The following PAG1 variants were observed in gnomAD, a reference collection of about 807,000 sequenced individuals.
The protein encoded by PAG1 is phosphoprotein associated with glycosphingolipid-enriched microdomains 1.
Under a neutral mutation model 31.7 loss-of-function variants are expected in PAG1, and 23 were observed. That is an observed-to-expected ratio of 0.73 (90% CI 0.52 to 1.03). The LOEUF (loss-of-function observed/expected upper bound fraction) is 1.03. Ranked by LOEUF, PAG1 falls within the 50% of genes least tolerant of loss-of-function variation. The pLI is 0.00. For missense variants in PAG1, 473 were observed against 540.7 expected, an observed-to-expected ratio of 0.87 and a Z score of 1.24; for synonymous variants, 214 against 210.3, an observed-to-expected ratio of 1.02 and a Z score of -0.15.
chr8:81,072,974 G>A (rs1194393815), intron 1 of PAG1, among the ~76,000 whole-genome samples: 1 of 152,164 alleles, frequency 6.6e-6, no homozygotes, highest in Non-Finnish European at 1.5e-5. Context: ...ATTAAAAGCA[G>A]AACTCCTCAA....
intron 2 of PAG1, among the ~76,000 whole-genome samples, chr8:81,046,460 T>TATA (rs1472112832): frequency 6.6e-6 from 1 of 152,186 alleles, no homozygotes; most frequent in African/African-American, 2.4e-5. Context: ...CCCCTTCTCT[T>TATA]ATCACCATTT....
rs1807009610 is a variant in PAG1 at position 80,968,477 on chromosome 8, T to G, written c.*8067A>C. 1 of 152,236 alleles carries G rather than the reference T, an allele frequency of 6.6e-6. No homozygotes were observed. Among genetic ancestry groups the G allele is most frequent in the Non-Finnish European group, 1.5e-5 (1 of 68,038 alleles). 9.4% of individuals were successfully genotyped at this position (152,236 alleles called of 1,614,324 possible). On this transcript the variant is annotated 3_prime_UTR_variant, in exon 9 of 9. Coordinates refer to ENST00000220597, the MANE Select transcript of PAG1 (RefSeq NM_018440.4). Reference sequence around the variant, plus strand: ...CCACTTGAGAATTTAATTCAATAACTCTACACTTTTCCAATAAATAAAAAA... The same window carrying G: ...CCACTTGAGAATTTAATTCAATAACGCTACACTTTTCCAATAAATAAAAAA...
chr8:81,057,605 T>C (rs1004829024), intron 2 of PAG1, among the ~76,000 whole-genome samples: 2 of 149,712 alleles, frequency 1.3e-5, no homozygotes, highest in South Asian at 2.2e-4. Context: ...TTAGGAGATA[T>C]ACCTAATGCA....
chr8:81,108,087 T>C (rs73282055), intron 1 of PAG1, among the ~76,000 whole-genome samples: 222 of 152,326 alleles, frequency 1.5e-3, no homozygotes, highest in African/African-American at 5.2e-3. Flanking sequence ...ACTAAATAGA[T>C]AACAGATAAC....
At chr8:81,103,458 TCA>T (rs1400087374) in intron 1 of PAG1, among the ~76,000 whole-genome samples, 3 of 152,198 alleles carry the variant, frequency 2.0e-5, no homozygotes, top group African/African-American at 7.2e-5. Flanking sequence ...ACCCTGTATC[TCA>T]GTTTCCTCAT....
intron 2 of PAG1, among the ~76,000 whole-genome samples, chr8:81,033,123 T>C (rs997426338): frequency 6.6e-6 from 1 of 152,214 alleles, no homozygotes; most frequent in African/African-American, 2.4e-5. Context: ...TTGTATGGTA[T>C]GTGAATTGCA....
chr8:81,062,655 A>G (rs1218064131), intron 2 of PAG1, among the ~76,000 whole-genome samples: 1 of 152,088 alleles, frequency 6.6e-6, no homozygotes, highest in African/African-American at 2.4e-5. Flanking sequence ...AAGCCACCAT[A>G]GACAGGGTTA....
intron 2 of PAG1, among the ~76,000 whole-genome samples, chr8:81,041,905 G>C (rs1300409283): frequency 6.6e-6 from 1 of 152,172 alleles, no homozygotes; most frequent in African/African-American, 2.4e-5. Context: ...GAATGAGGAA[G>C]TAACACTATC....
At chr8:80,987,627 T>C (rs1049474257) in intron 5 of PAG1, 161 bp from the exon 6 acceptor site, 2 of 574,726 alleles carry the variant, frequency 3.5e-6, no homozygotes, top group Admixed American at 2.8e-5. Flanking sequence ...GAGGGTACAT[T>C]TCAAGACCCC....
At chr8:81,058,337 C>G (rs1002383225) in intron 2 of PAG1, among the ~76,000 whole-genome samples, 5 of 152,120 alleles carry the variant, frequency 3.3e-5, no homozygotes, top group African/African-American at 9.7e-5. Flanking sequence ...ACTAGGAATA[C>G]TTGGGAAAAA....
At chr8:80,983,575 A>C (rs1262308022) in intron 7 of PAG1, among the ~76,000 whole-genome samples, 2 of 152,222 alleles carry the variant, frequency 1.3e-5, no homozygotes, top group Admixed American at 1.3e-4. Context: ...GTTTATATAA[A>C]GATGATGGAT....
rs773665442 is a variant in PAG1, at chr8:80,985,179, C to T, written c.473G>A (p.Gly158Glu). ...ARSVDGDQGL[G>E]MEGPYEVLKD... The stretch of plus-strand genomic sequence containing the variant: ...GAGCACTTCATAGGGCCCTTCCATC[C>T]CCAGCCCCTGGTCCCCGTCCACACT... The change falls in exon 7 of 9, where the codon GGG becomes GAG. Residue 158 changes from glycine to glutamate, a missense_variant. Physicochemically the swap from Gly to Glu is moderately conservative, Grantham distance 98. Transcript: ENST00000220597. The T allele has an allele frequency of 6.2e-7, 1 of 1,613,976 alleles. No homozygotes were observed. Among genetic ancestry groups the T allele is most frequent in the Non-Finnish European group, 8.5e-7 (1 of 1,180,022 alleles).
In PAG1 at chr8:80,991,468, C is replaced by T. The variant is rs773485400; in HGVS notation, c.177+11G>A. On this transcript the variant is annotated intron_variant, in intron 5 of 8. Coordinates refer to ENST00000220597, the MANE Select transcript of PAG1 (RefSeq NM_018440.4). ...CACGGACAGACAGGCAGACGACACGCGCAGGCTCACCACGTTCATCAGGTT... is the reference window on the plus strand; with the variant it reads ...CACGGACAGACAGGCAGACGACACGTGCAGGCTCACCACGTTCATCAGGTT... The T allele has an allele frequency of 1.3e-5, 21 of 1,608,764 alleles. No homozygotes were observed. The highest frequency in any genetic ancestry group is 6.7e-5 in the East Asian group (3 of 44,866).
chr8:81,046,997 A>G (rs1808652670), intron 2 of PAG1, among the ~76,000 whole-genome samples: 1 of 152,064 alleles, frequency 6.6e-6, no homozygotes, highest in African/African-American at 2.4e-5. Context: ...TTCCTGCTCC[A>G]TCCCTGTCCC....
At chr8:81,028,301 C>T (rs12676654) in intron 3 of PAG1, among the ~76,000 whole-genome samples, 71,893 of 152,130 alleles carry the variant, frequency 0.47, 20,673 homozygotes, top group Non-Finnish European at 0.63. Context: ...AGCATGGCTC[C>T]CTCTCACTAG....
chr8:81,043,672 T>C (rs1808592545), intron 2 of PAG1, among the ~76,000 whole-genome samples: 2 of 152,232 alleles, frequency 1.3e-5, no homozygotes, highest in South Asian at 4.1e-4. Context: ...GTCCTGCATA[T>C]ATATCTCAGC....
intron 3 of PAG1, among the ~76,000 whole-genome samples, chr8:81,025,963 C>T (rs1808270497): frequency 6.6e-6 from 1 of 152,062 alleles, no homozygotes; most frequent in African/African-American, 2.4e-5. Flanking sequence ...CTGCTATGGT[C>T]CAGGAGACAC....
intron 3 of PAG1, among the ~76,000 whole-genome samples, chr8:81,028,824 A>T (rs1189929029): frequency 6.6e-6 from 1 of 152,192 alleles, no homozygotes; most frequent in Non-Finnish European, 1.5e-5. Context: ...ACAGAGAATG[A>T]ATAGTATCAC....
intron 1 of PAG1, among the ~76,000 whole-genome samples, chr8:81,075,617 T>G (rs1809164200): frequency 2.6e-5 from 4 of 152,208 alleles, no homozygotes. Flanking sequence ...GGATTCATAC[T>G]ATTGTTACAC....
Sources: gnomAD v4.1 joint callset for allele counts (sites outside exome capture counted in the v4.1 genomes callset) on GRCh38, gnomAD v4.1.1 for gene constraint, MANE v1.5 for transcripts, NCBI Gene and HGNC (gene_info 2026-07-23, HGNC 2026-07-21) for gene names.